The following PPARGC1A variants were observed in gnomAD, a reference collection of about 807,000 sequenced individuals.
PPARGC1A encodes the protein PPARG coactivator 1 alpha, also known as peroxisome proliferator-activated receptor gamma coactivator 1-alpha.
In PPARGC1A, 25 loss-of-function variants were observed where a neutral mutation model predicts 88.7. The observed-to-expected ratio is 0.28, with a 90% CI of 0.21 to 0.39. The LOEUF (loss-of-function observed/expected upper bound fraction) is 0.39, where lower values mean the gene tolerates loss of function less well. Among genes scored for constraint, PPARGC1A ranks in the 10% least tolerant of loss-of-function variants. The pLI, the probability that PPARGC1A is intolerant of heterozygous loss-of-function variation, is 1.00. For synonymous variants in PPARGC1A, 363 were observed against 355.6 expected, an observed-to-expected ratio of 1.02 and a Z score of -0.24; for missense variants, 880 against 968.7, an observed-to-expected ratio of 0.91 and a Z score of 1.22.
the PPARGC1A span, among the ~76,000 whole-genome samples, chr4:24,199,838 C>G: frequency 6.6e-6 from 1 of 151,972 alleles, no homozygotes; most frequent in East Asian, 1.9e-4. Context: ...TATAATTCTC[C>G]CACAGTCAAG....
chr4:24,114,232 A>C, the PPARGC1A span, among the ~76,000 whole-genome samples: 1 of 152,148 alleles, frequency 6.6e-6, no homozygotes, highest in East Asian at 1.9e-4. Context: ...TTAAGTAAAA[A>C]ATGAACTGAT....
At chr4:24,340,645 C>T in the PPARGC1A span, among the ~76,000 whole-genome samples, 2 of 152,070 alleles carry the variant, frequency 1.3e-5, no homozygotes, top group African/African-American at 2.4e-5. Context: ...TATGGGGTTT[C>T]CGTCCACATC....
the PPARGC1A span, among the ~76,000 whole-genome samples, chr4:24,079,782 G>A: frequency 6.6e-6 from 1 of 152,092 alleles, no homozygotes; most frequent in East Asian, 1.9e-4. Flanking sequence ...AGTCAATCAG[G>A]TAACTCAACA....
chr4:24,221,785 A>C, the PPARGC1A span, among the ~76,000 whole-genome samples: 1 of 144,210 alleles, frequency 6.9e-6, no homozygotes, highest in Non-Finnish European at 1.5e-5. Flanking sequence ...AAATAAAGTA[A>C]AATTTTCAAA....
At chr4:24,377,581 A>T in the PPARGC1A span, among the ~76,000 whole-genome samples, 527 of 152,270 alleles carry the variant, frequency 3.5e-3, 4 homozygotes, top group African/African-American at 0.012. Flanking sequence ...AAGAGAGCAC[A>T]TATCATAGGA....
chr4:24,296,022 A>ATATATATG, the PPARGC1A span, among the ~76,000 whole-genome samples: 2 of 97,188 alleles, frequency 2.1e-5, no homozygotes, highest in African/African-American at 7.6e-5. Flanking sequence ...ATATATATGT[A>ATATATATG]TATGTGTGTA....
intron 2 of PPARGC1A, among the ~76,000 whole-genome samples, chr4:23,859,780 CAAAATAAAATAAAATAAAATAAAAT>C (rs66852812): frequency 0.058 from 6,883 of 118,420 alleles, 590 homozygotes; most frequent in African/African-American, 0.17. Context: ...GACACCGTCT[CAAAATAAAATAAAATAAAATAAAAT>C]AAAATAAAAT....
chr4:23,953,398 A>T, the PPARGC1A span, among the ~76,000 whole-genome samples: 1 of 152,156 alleles, frequency 6.6e-6, no homozygotes, highest in African/African-American at 2.4e-5. Context: ...AGTAGAAGGT[A>T]TTACTATGTT....
chr4:24,106,093 T>A, the PPARGC1A span, among the ~76,000 whole-genome samples: 1 of 152,170 alleles, frequency 6.6e-6, no homozygotes, highest in Non-Finnish European at 1.5e-5. Context: ...AGCACTTCCA[T>A]TCGTTTCCCC....
At chr4:23,955,900 G>T in the PPARGC1A span, among the ~76,000 whole-genome samples, 25 of 152,184 alleles carry the variant, frequency 1.6e-4, no homozygotes, top group East Asian at 3.7e-3. Context: ...TAGACCTGAA[G>T]TCAGGAAACT....
At chr4:23,831,156 A>G (rs1724931286) in intron 3 of PPARGC1A, among the ~76,000 whole-genome samples, 1 of 152,198 alleles carries the variant, frequency 6.6e-6, no homozygotes, top group Non-Finnish European at 1.5e-5. Flanking sequence ...ATGTATTTAA[A>G]TTTGAACCCA....
chr4:23,865,282 G>A (rs181128144), intron 2 of PPARGC1A, among the ~76,000 whole-genome samples: 4 of 152,264 alleles, frequency 2.6e-5, no homozygotes, highest in South Asian at 2.1e-4. Context: ...ACTGGCCAGC[G>A]TTTCTGAGGA....
chr4:24,010,402 A>G, the PPARGC1A span, among the ~76,000 whole-genome samples: 1 of 152,154 alleles, frequency 6.6e-6, no homozygotes, highest in Non-Finnish European at 1.5e-5. Flanking sequence ...AGTGTTTCCC[A>G]TTGCTGCCAC....
chr4:24,330,542 C>A, the PPARGC1A span, among the ~76,000 whole-genome samples: 1 of 152,124 alleles, frequency 6.6e-6, no homozygotes, highest in Non-Finnish European at 1.5e-5. Flanking sequence ...CTGACTCCAG[C>A]CCCAGCCACA....
At chr4:24,324,249 G>A in the PPARGC1A span, among the ~76,000 whole-genome samples, 4 of 151,964 alleles carry the variant, frequency 2.6e-5, no homozygotes, top group East Asian at 5.9e-4. Flanking sequence ...TGCCTTTCCT[G>A]GGGCAGGGGC....
At chr4:24,124,132 G>A in the PPARGC1A span, among the ~76,000 whole-genome samples, 1 of 152,024 alleles carries the variant, frequency 6.6e-6, no homozygotes, top group African/African-American at 2.4e-5. Context: ...AAAACCAAAC[G>A]ATAGCCGGAT....
the PPARGC1A span, among the ~76,000 whole-genome samples, chr4:24,461,646 T>G: frequency 6.6e-6 from 1 of 152,034 alleles, no homozygotes; most frequent in Admixed American, 6.6e-5. Context: ...GTGTCTCTCT[T>G]ACTAAATGAA....
the PPARGC1A span, among the ~76,000 whole-genome samples, chr4:24,377,293 G>A: frequency 3.8e-4 from 58 of 152,128 alleles, no homozygotes; most frequent in African/African-American, 1.1e-3. Context: ...GTGGGGCAGC[G>A]GGGTAGGGGA....
intron 2 of PPARGC1A, among the ~76,000 whole-genome samples, chr4:23,853,772 T>C (rs950074297): frequency 6.6e-6 from 1 of 152,202 alleles, no homozygotes; most frequent in Non-Finnish European, 1.5e-5. Flanking sequence ...TTCTGGAGTA[T>C]CTTCCACATG....
Sources: gnomAD v4.1 joint callset for allele counts (sites outside exome capture counted in the v4.1 genomes callset) on GRCh38, gnomAD v4.1.1 for gene constraint, MANE v1.5 for transcripts, NCBI Gene and HGNC (gene_info 2026-07-23, HGNC 2026-07-21) for gene names.